The following KIF14 variants were observed in gnomAD, a reference collection of about 807,000 sequenced individuals.
KIF14 encodes kinesin family member 14, also known as kinesin-like protein KIF14.
A neutral mutation model predicts 176.2 loss-of-function variants in KIF14; 98 were observed. The ratio of observed to expected loss-of-function variants is 0.56; its 90% confidence interval spans 0.47 to 0.66. KIF14 has a LOEUF of 0.66. KIF14 is among the 30% of genes least tolerant of loss of function. The pLI, the probability that KIF14 is intolerant of heterozygous loss-of-function variation, is 0.00. For synonymous variants in KIF14, 566 were observed against 632.2 expected, an observed-to-expected ratio of 0.90 and a Z score of 1.57; for missense variants, 1,751 against 1,920.4, an observed-to-expected ratio of 0.91 and a Z score of 1.65.
rs182870513 is a variant in KIF14 at position 200,572,117 on chromosome 1, G to A, written c.3567-2112C>T. Reference sequence around the variant, plus strand: ...AACATTGTTACAAGGCTGAAACTTCGTATACAAGGTCTCAGACTAAGAGCA... The same window carrying A: ...AACATTGTTACAAGGCTGAAACTTCATATACAAGGTCTCAGACTAAGAGCA... On this transcript the variant is annotated intron_variant, in intron 22 of 29. Coordinates refer to ENST00000367350, the MANE Select transcript of KIF14 (RefSeq NM_014875.3). 3.7e-3 allele frequency among the ~76,000 whole-genome samples: 557 copies of A among 152,210 alleles called. 22 individuals carry two copies. Among genetic ancestry groups the A allele is most frequent in the Admixed American group, 0.034 (519 of 15,284 alleles).
chr1:200,616,444 T>G (rs567429527), intron 2 of KIF14, among the ~76,000 whole-genome samples: 1 of 152,228 alleles, frequency 6.6e-6, no homozygotes, highest in Non-Finnish European at 1.5e-5. Context: ...CTTCCTATCA[T>G]GGTTCTTGAG....
At chr1:200,581,585 GTCT>G (rs1327110384) in intron 19 of KIF14, among the ~76,000 whole-genome samples, 4 of 151,684 alleles carry the variant, frequency 2.6e-5, no homozygotes, top group Admixed American at 6.6e-5. Context: ...TTTTTCTAAT[GTCT>G]TTTTTCTTTC....
chr1:200,598,661 C>T (rs557860645), intron 13 of KIF14, among the ~76,000 whole-genome samples: 3 of 152,124 alleles, frequency 2.0e-5, no homozygotes, highest in Non-Finnish European at 4.4e-5. Context: ...TGGGTTCAAA[C>T]GATTCTCCTG....
intron 22 of KIF14, 116 bp downstream of exon 22, chr1:200,575,475 G>A: frequency 4.3e-6 from 2 of 467,962 alleles, no homozygotes; most frequent in East Asian, 6.8e-5. Flanking sequence ...CATCTATCAT[G>A]ACAACGGTTC....
At chr1:200,589,393 T>C in intron 17 of KIF14, 24 bp from the exon 18 acceptor site, 1 of 1,570,722 alleles carries the variant, frequency 6.4e-7, no homozygotes, top group Non-Finnish European at 8.6e-7. Context: ...TAATAAAAAA[T>C]ATCTCAGGCA....
chr1:200,600,541 T>C (rs768565090), intron 11 of KIF14, 38 bp from the exon 12 acceptor site: 166 of 1,439,150 alleles, frequency 1.2e-4, no homozygotes, highest in Non-Finnish European at 1.6e-4. Flanking sequence ...TAATAACATT[T>C]AATATATAAC....
chr1:200,554,674 T>C (rs1656741486), intron 28 of KIF14, 68 bp from the exon 29 acceptor site: 2 of 782,518 alleles, frequency 2.6e-6, no homozygotes, highest in South Asian at 4.2e-5. Context: ...GCTCAGTCAA[T>C]ATGATTTTAA....
chr1:200,619,435 CTCCTCCTCCTGTATTCAAGCAAA>C (rs910886684), intron 1 of KIF14, among the ~76,000 whole-genome samples: 1 of 152,126 alleles, frequency 6.6e-6, no homozygotes, highest in Non-Finnish European at 1.5e-5. Flanking sequence ...TTGCTGCAAC[CTCCTCCTCCTGTATTCAAGCAAA>C]TCTCCTGCCT....
chr1:200,594,893 C>T (rs1659250132), intron 14 of KIF14, among the ~76,000 whole-genome samples: 1 of 152,138 alleles, frequency 6.6e-6, no homozygotes, highest in African/African-American at 2.4e-5. Flanking sequence ...GTGTCTTATC[C>T]AGGTGAAGGT....
chr1:200,569,545 A>G (rs1657664807), intron 23 of KIF14, among the ~76,000 whole-genome samples: 1 of 152,124 alleles, frequency 6.6e-6, no homozygotes, highest in African/African-American at 2.4e-5. Context: ...GAGAGATCTT[A>G]TTCATTTACA....
intron 17 of KIF14, among the ~76,000 whole-genome samples, chr1:200,589,677 T>C (rs1052289273): frequency 8.2e-5 from 11 of 134,876 alleles, no homozygotes; most frequent in Non-Finnish European, 9.5e-5. Context: ...TTTTCTTTTT[T>C]TTTTTTTTTT....
intron 22 of KIF14, among the ~76,000 whole-genome samples, chr1:200,572,284 C>T (rs1321112683): frequency 6.6e-6 from 1 of 152,152 alleles, no homozygotes; most frequent in Admixed American, 6.6e-5. Context: ...TGCTGATTCC[C>T]TAATTATTAA....
chr1:200,591,044 CAAACAAAAAAA>C (rs1272505740), intron 16 of KIF14, among the ~76,000 whole-genome samples: 1 of 150,598 alleles, frequency 6.6e-6, no homozygotes, highest in African/African-American at 2.4e-5. Context: ...AACCAAAAAA[CAAACAAAAAAA>C]AAACCACAAA....
intron 17 of KIF14, 92 bp downstream of exon 17, chr1:200,590,033 T>G (rs570319778): frequency 1.6e-6 from 2 of 1,275,646 alleles, no homozygotes; most frequent in African/African-American, 3.0e-5. Context: ...TCTCTCCCAG[T>G]TCCCTTATAG....
chr1:200,590,663 TAC>T (rs1264960522), intron 16 of KIF14, among the ~76,000 whole-genome samples: 1 of 152,154 alleles, frequency 6.6e-6, no homozygotes, highest in East Asian at 1.9e-4. Flanking sequence ...GTTTAACAAA[TAC>T]AGAGTTTCAG....
chr1:200,588,460 C>T (rs1201649177), intron 18 of KIF14, among the ~76,000 whole-genome samples: 2 of 151,804 alleles, frequency 1.3e-5, no homozygotes, highest in Admixed American at 1.3e-4. Context: ...AGGATGGCAT[C>T]GATCTCTTAA....
intron 1 of KIF14, among the ~76,000 whole-genome samples, chr1:200,619,738 A>G (rs1660595522): frequency 6.6e-6 from 1 of 152,248 alleles, no homozygotes; most frequent in Non-Finnish European, 1.5e-5. Context: ...CACAGGCAGT[A>G]AGTACGATAA....
At chr1:200,615,016 T>C (rs976137405) in intron 3 of KIF14, among the ~76,000 whole-genome samples, 6 of 152,068 alleles carry the variant, frequency 3.9e-5, no homozygotes, top group Middle Eastern at 3.2e-3. Context: ...AGACTACAGG[T>C]GTGTGCCATC....
chr1:200,572,407 C>T (rs959708153), intron 22 of KIF14, among the ~76,000 whole-genome samples: 1 of 152,132 alleles, frequency 6.6e-6, no homozygotes, highest in Non-Finnish European at 1.5e-5. Flanking sequence ...TGCAGTGGCG[C>T]GATCTTGGCT....
Sources: allele counts gnomAD v4.1 joint callset (sites outside exome capture counted in the v4.1 genomes callset), GRCh38; gene constraint gnomAD v4.1.1; transcripts MANE v1.5; gene names NCBI Gene and HGNC (gene_info 2026-07-23, HGNC 2026-07-21).